The following MAP1B variants were observed in gnomAD, a reference collection of about 807,000 sequenced individuals.
The protein encoded by MAP1B is microtubule-associated protein 1B.
In MAP1B, 12 loss-of-function variants were observed where a neutral mutation model predicts 176.1. That is an observed-to-expected ratio of 0.07 (90% CI 0.04 to 0.11). The LOEUF (loss-of-function observed/expected upper bound fraction) is 0.11, where lower values mean the gene tolerates loss of function less well. Ranked by LOEUF, MAP1B falls within the 10% of genes least tolerant of loss-of-function variation. MAP1B has a pLI of 1.00. For synonymous variants in MAP1B, 1,044 were observed against 1,135.0 expected (o/e 0.92, Z 1.61); for missense variants, 2,523 against 2,990.5 (o/e 0.84, Z 3.65).
At chr5:72,117,020 T>C (rs962416234) in intron 2 of MAP1B, among the ~76,000 whole-genome samples, 17 of 152,108 alleles carry the variant, frequency 1.1e-4, no homozygotes, top group African/African-American at 2.4e-5. Flanking sequence ...ATTTCAGTTA[T>C]TGAAATGCAT....
chr5:72,203,633 C>T lies in MAP1B; in HGVS notation c.7083C>T (p.Cys2361=), dbSNP rs1747379840. The T allele has an allele frequency of 6.2e-7, 1 of 1,614,070 alleles. No homozygotes were observed. The highest frequency in any genetic ancestry group is 1.7e-5 in the Admixed American group (1 of 60,010). Residue 2361 remains cysteine, a synonymous_variant, in exon 6 of 7, where the codon TGC becomes TGT. Coordinates refer to ENST00000296755, the MANE Select transcript of MAP1B (RefSeq NM_005909.5). ...GCCTCCCTGTGTATTTGGACCTGTG[C>T]TACATTCCTAACCACAGCAATAGTA... is the stretch of plus-strand genomic sequence containing the variant. The part of the protein sequence containing the change: ...PPGLPVYLDL[C]YIPNHSNSKN...
chr5:72,181,744 C>T lies in MAP1B; in HGVS notation c.287-1999C>T, dbSNP rs1481159504. The stretch of plus-strand genomic sequence containing the variant: ...AGCTATTTTTTTTTTTTTTTTGAGA[C>T]GGAGTCTCGCACTGTTGTCGGGGCT... On this transcript the variant is annotated intron_variant, in intron 2 of 6. Transcript: ENST00000296755. 3.1e-5 allele frequency among the ~76,000 whole-genome samples: 4 copies of T among 129,332 alleles called. 1 individual carries two copies. The highest frequency in any genetic ancestry group is 4.8e-4 in the South Asian group (2 of 4,164). The allele number at this position is 129,332 out of a possible 152,430, so 84.8% of individuals were successfully genotyped here. A position where few individuals can be genotyped will look rare whatever the true frequency, so the allele number is the denominator to read the frequency against.
Position 72,194,419 on chromosome 5 carries a change from G to T in MAP1B, c.1064G>T (p.Gly355Val). The change falls in exon 5 of 7, where the codon GGA becomes GTA. Residue 355 changes from glycine (G) to valine (V), a missense_variant. Gly to Val is a moderately radical substitution (Grantham distance 109). This residue lies in a region of MAP1B where 1,925 missense variants were observed against 2,126.0 expected (regional missense o/e 0.91). Transcript: ENST00000296755. This position sits in a 1 kb window ranked among gnomAD's most constrained non-coding sequence, Gnocchi z 7.2. ...WMKNLISPDL[G>V]VVFLNVPENL... ...AAAAACCTCATCTCCCCTGACTTAG[G>T]AGTTGTATTTCTCAATGTACCTGAA... 1 of 1,614,098 alleles carries T rather than the reference G, an allele frequency of 6.2e-7. No individual in the cohort carries two copies.
intron 2 of MAP1B, among the ~76,000 whole-genome samples, chr5:72,159,048 C>T (rs1485500677): frequency 1.3e-5 from 2 of 152,026 alleles, no homozygotes; most frequent in South Asian, 2.1e-4. Context: ...GATTGAGGAA[C>T]CTGAGGGTCA....
chr5:72,191,688 A>G (rs1012342448), intron 4 of MAP1B, among the ~76,000 whole-genome samples: 6 of 152,192 alleles, frequency 3.9e-5, no homozygotes, highest in African/African-American at 1.4e-4. Flanking sequence ...CTTCAGAGGG[A>G]CCAGATTTTC....
At chr5:72,155,799 C>T (rs111761835) in intron 2 of MAP1B, among the ~76,000 whole-genome samples, 34,533 of 142,600 alleles carry the variant, frequency 0.24, 4,280 homozygotes, top group Middle Eastern at 0.34. Flanking sequence ...CGGAGTCTCA[C>T]TCTGTTGCCC....
At chr5:72,146,908 G>T (rs1746054993) in intron 2 of MAP1B, among the ~76,000 whole-genome samples, 1 of 151,866 alleles carries the variant, frequency 6.6e-6, no homozygotes, top group African/African-American at 2.4e-5. Context: ...GCTATGGGAT[G>T]CAAGGATACT....
Position 72,161,977 on chromosome 5 carries a change from GAA to G in MAP1B, c.287-21764_287-21763del, listed in dbSNP as rs1362294065. 8.5e-5 allele frequency among the ~76,000 whole-genome samples: 10 copies of G among 117,148 alleles called. No individual in the cohort carries two copies. The East Asian group carries it at 2.2e-3, about 26-fold the overall frequency. The allele number at this position is 117,148 out of a possible 152,430, so 76.9% of individuals were successfully genotyped here. A position where few individuals can be genotyped will look rare whatever the true frequency, so the allele number is the denominator to read the frequency against. On this transcript the variant is annotated intron_variant, in intron 2 of 6. Transcript: ENST00000296755. ...GTCTCAAAAAAAAAAAAAAAAAAAA[GAA>G]AGAAAGAAAGAAAGAAAAGAAAAAA...
chr5:72,171,817 G>C (rs1746547262), intron 2 of MAP1B, among the ~76,000 whole-genome samples: 1 of 152,132 alleles, frequency 6.6e-6, no homozygotes, highest in African/African-American at 2.4e-5. Context: ...CTGGGAACCG[G>C]GTGTGCTGTT....
intron 2 of MAP1B, among the ~76,000 whole-genome samples, chr5:72,163,246 A>G (rs2112182768): frequency 6.6e-6 from 1 of 151,434 alleles, no homozygotes; most frequent in East Asian, 1.9e-4. Flanking sequence ...AAAAAAAAAA[A>G]AAGAAAGAAA....
intron 4 of MAP1B, among the ~76,000 whole-genome samples, chr5:72,187,443 T>A (rs1391778014): frequency 6.6e-6 from 1 of 152,212 alleles, no homozygotes. Flanking sequence ...TTATCCTGGC[T>A]GGGAAACTTT....
intron 2 of MAP1B, among the ~76,000 whole-genome samples, chr5:72,178,203 A>G (rs1431231582): frequency 6.6e-6 from 1 of 152,056 alleles, no homozygotes; most frequent in Non-Finnish European, 1.5e-5. Context: ...GCGTTTCACC[A>G]TGTTGGCCAG....
intron 2 of MAP1B, among the ~76,000 whole-genome samples, chr5:72,131,404 G>A (rs959624486): frequency 1.3e-5 from 2 of 152,004 alleles, no homozygotes; most frequent in African/African-American, 4.8e-5. Context: ...TATAGAGTAC[G>A]CAGATTTATC....
At position 72,197,069 on chromosome 5, in the gene MAP1B, C is replaced by T. The variant is rs1747191018; in HGVS notation, c.3714C>T (p.Asp1238=). The change falls in exon 5 of 7, where the codon GAC becomes GAT. Residue 1238 remains aspartate, a synonymous_variant. Coordinates refer to ENST00000296755, the MANE Select transcript of MAP1B (RefSeq NM_005909.5). The part of the protein sequence containing the change: ...CSEVKASTTL[D]IKDSISAVSS... The stretch of plus-strand genomic sequence containing the variant: ...AAGTGAAAGCCAGCACCACTTTGGA[C>T]ATCAAAGATAGCATCTCAGCTGTTT... 1 of 1,614,080 alleles carries T rather than the reference C, an allele frequency of 6.2e-7. No individual in the cohort carries two copies. Among genetic ancestry groups the T allele is most frequent in the African/African-American group, 1.3e-5 (1 of 74,922 alleles).
At chr5:72,161,531 G>C (rs930060271) in intron 2 of MAP1B, among the ~76,000 whole-genome samples, 1 of 152,204 alleles carries the variant, frequency 6.6e-6, no homozygotes, top group Non-Finnish European at 1.5e-5. Flanking sequence ...GGACAGGGAA[G>C]TTGCAGTTGG....
intron 2 of MAP1B, among the ~76,000 whole-genome samples, chr5:72,122,053 A>G (rs573159406): frequency 6.6e-6 from 1 of 152,210 alleles, no homozygotes; most frequent in Non-Finnish European, 1.5e-5. Context: ...ATACAAGGTT[A>G]TAGGAGAAAT....
chr5:72,174,275 A>C (rs1270887075), intron 2 of MAP1B, among the ~76,000 whole-genome samples: 1 of 152,228 alleles, frequency 6.6e-6, no homozygotes, highest in Non-Finnish European at 1.5e-5. Context: ...AAGAATGATA[A>C]ACATTGACCT....
intron 2 of MAP1B, among the ~76,000 whole-genome samples, chr5:72,126,423 A>AT (rs1424402166): frequency 6.6e-6 from 1 of 152,166 alleles, no homozygotes; most frequent in Non-Finnish European, 1.5e-5. Flanking sequence ...ACTCCATCTA[A>AT]TTTTTTGAGG....
intron 4 of MAP1B, among the ~76,000 whole-genome samples, chr5:72,190,874 C>T (rs948439084): frequency 3.9e-5 from 6 of 152,178 alleles, no homozygotes; most frequent in Non-Finnish European, 7.4e-5. Context: ...AAATGTAGTT[C>T]GTAGGCCATG....
Sources: allele counts gnomAD v4.1 joint callset (sites outside exome capture counted in the v4.1 genomes callset), GRCh38; gene constraint gnomAD v4.1.1; regional missense constraint gnomAD v4.1.1; non-coding constraint Gnocchi (gnomAD v3.1); transcripts MANE v1.5; gene names NCBI Gene and HGNC (gene_info 2026-07-23, HGNC 2026-07-21).